TMEM68: variants seen among roughly 807,000 people sequenced by gnomAD.
TMEM68 encodes DGAT1/2-independent enzyme synthesizing storage lipids.
TMEM68 carries 25 observed loss-of-function variants against 36.9 expected under a neutral mutation model. That is an observed-to-expected ratio of 0.68 (90% CI 0.49 to 0.95). The LOEUF (loss-of-function observed/expected upper bound fraction) is 0.95. Among genes scored for constraint, TMEM68 ranks in the 40% least tolerant of loss-of-function variants. The probability of loss-of-function intolerance (pLI) is 0.00; values close to 1 mark genes in which losing one functional copy is unlikely to be tolerated. For synonymous variants in TMEM68, 131 were observed against 124.4 expected (o/e 1.05, Z -0.35); for missense variants, 333 against 392.0 (o/e 0.85, Z 1.27).
At position 55,746,317 on chromosome 8, in the gene TMEM68, C is replaced by CAAAAAAAAA. The variant is rs376241142; in HGVS notation, c.688-1205_688-1197dup. 55 of 57,196 alleles carry CAAAAAAAAA rather than the reference C, an allele frequency of 9.6e-4. 6 individuals are homozygous for CAAAAAAAAA. The highest frequency in any genetic ancestry group is 2.3e-3 in the African/African-American group (30 of 13,046). The allele number at this position is 57,196 out of a possible 1,614,324, so 3.5% of individuals were successfully genotyped here. ...GGCAATAGAGCGAGACACTGTCTCCCAAAAAAAAAAAAAAAAAAAAAAAAG... is the reference window on the plus strand; with the variant it reads ...GGCAATAGAGCGAGACACTGTCTCCCAAAAAAAAAAAAAAAAAAAAAAAAAAAAAAAAAG... On this transcript the variant is annotated intron_variant, in intron 5 of 7. Transcript: ENST00000434581.
chr8:55,743,477 T>C lies in TMEM68; in HGVS notation c.888+4A>G. 2 of 1,519,870 alleles carry C rather than the reference T, an allele frequency of 1.3e-6. 1 individual carries two copies. Among genetic ancestry groups the C allele is most frequent in the Non-Finnish European group, 1.8e-6 (2 of 1,142,754 alleles). 94.1% of individuals were successfully genotyped at this position (1,519,870 alleles called of 1,614,324 possible). A position where few individuals can be genotyped will look rare whatever the true frequency, so the allele number is the denominator to read the frequency against. On this transcript the variant is annotated splice_donor_region_variant and intron_variant, in intron 7 of 7. Coordinates refer to ENST00000434581, the MANE Select transcript of TMEM68 (RefSeq NM_001286657.2). ...CTAAAACTAAAAAAGAAAAAGCAAT[T>C]TACCTTTTCAGCTAATTCTTCCGCT... is the stretch of plus-strand genomic sequence containing the variant.
At chr8:55,747,058 G>C (rs1810301349) in intron 5 of TMEM68, 1 of 152,284 alleles carries the variant, frequency 6.6e-6, no homozygotes, top group Non-Finnish European at 1.5e-5. Flanking sequence ...GGAGAAGTTA[G>C]GTAAAGAAAA....
intron 1 of TMEM68, among the ~76,000 whole-genome samples, chr8:55,772,317 C>T (rs1811200569): frequency 6.6e-6 from 1 of 152,178 alleles, no homozygotes; most frequent in African/African-American, 2.4e-5. Flanking sequence ...ACTATTTTGG[C>T]ATTTCGTAGC....
intron 7 of TMEM68, among the ~76,000 whole-genome samples, chr8:55,740,674 T>A (rs576697955): frequency 2.0e-5 from 3 of 152,234 alleles, no homozygotes; most frequent in South Asian, 4.1e-4. Context: ...AATGGAAGAC[T>A]TAGTCCTTTC....
At chr8:55,766,101 T>C (rs904155635) in intron 1 of TMEM68, among the ~76,000 whole-genome samples, 4 of 152,084 alleles carry the variant, frequency 2.6e-5, no homozygotes, top group African/African-American at 9.7e-5. Context: ...AAGAAGAATA[T>C]GGAGTTCTAT....
intron 1 of TMEM68, among the ~76,000 whole-genome samples, chr8:55,765,152 A>G (rs1395901611): frequency 6.6e-6 from 1 of 152,208 alleles, no homozygotes; most frequent in Non-Finnish European, 1.5e-5. Flanking sequence ...GCAACCATCC[A>G]TCAGAACTAC....
chr8:55,753,353 A>T (rs979632953), intron 4 of TMEM68, among the ~76,000 whole-genome samples: 1 of 152,162 alleles, frequency 6.6e-6, no homozygotes, highest in African/African-American at 2.4e-5. Context: ...AACCCCACAA[A>T]ACTGTTTGCC....
At chr8:55,750,181 G>A (rs998401367) in intron 5 of TMEM68, among the ~76,000 whole-genome samples, 9 of 151,730 alleles carry the variant, frequency 5.9e-5, no homozygotes, top group Non-Finnish European at 1.2e-4. Context: ...CTTAATTTTT[G>A]TATAACTGCA....
rs1264171747 is a variant in TMEM68, at chr8:55,762,926, G to A, written c.34C>T (p.Gln12Ter). Residue 12 changes from glutamine to a stop codon, truncating the protein, a stop_gained, in exon 3 of 8, where the codon CAG (glutamine) becomes TAG (stop). Coordinates refer to ENST00000434581, the MANE Select transcript of TMEM68 (RefSeq NM_001286657.2). LOFTEE classifies it high-confidence loss of function. ...IDKNQTCGVG[Q>*]DSVPYMICLI... ...CAAATCATATAGGGCACAGAATCCT[G>A]TCCTACACCACAGGTTTGATTTTTG... The A allele has an allele frequency of 6.2e-7, 1 of 1,601,420 alleles. No homozygotes were observed. Among genetic ancestry groups the A allele is most frequent in the Admixed American group, 1.8e-5 (1 of 57,062 alleles).
At chr8:55,770,858 A>G (rs762804482) in intron 1 of TMEM68, among the ~76,000 whole-genome samples, 3 of 152,206 alleles carry the variant, frequency 2.0e-5, no homozygotes, top group Non-Finnish European at 2.9e-5. Flanking sequence ...TAACTTTTGT[A>G]AAAACAAGTA....
At chr8:55,751,446 A>C in intron 4 of TMEM68, 1 of 422,872 alleles carries the variant, frequency 2.4e-6, no homozygotes, top group Non-Finnish European at 4.4e-6. Context: ...TCAAAGTCAC[A>C]CATCTAAGAA....
intron 1 of TMEM68, among the ~76,000 whole-genome samples, chr8:55,764,909 C>T (rs1810916527): frequency 6.6e-6 from 1 of 152,098 alleles, no homozygotes; most frequent in Admixed American, 6.5e-5. Context: ...TCCATCTCTA[C>T]TAAAAATATA....
At chr8:55,769,985 T>C (rs572826156) in intron 1 of TMEM68, among the ~76,000 whole-genome samples, 1 of 152,300 alleles carries the variant, frequency 6.6e-6, no homozygotes, top group South Asian at 2.1e-4. Flanking sequence ...TAAAACCTGC[T>C]ACTAGAGAAC....
At chr8:55,753,615 TTG>T (rs1248357138) in intron 4 of TMEM68, among the ~76,000 whole-genome samples, 1 of 152,206 alleles carries the variant, frequency 6.6e-6, no homozygotes, top group African/African-American at 2.4e-5. Context: ...CACTGTTTGG[TTG>T]TGTTTGTCTG....
intron 5 of TMEM68, among the ~76,000 whole-genome samples, chr8:55,749,136 A>C (rs1585711898): frequency 1.3e-5 from 2 of 152,364 alleles, no homozygotes; most frequent in Non-Finnish European, 2.9e-5. Flanking sequence ...AATTACAGTA[A>C]ATGGACTAGT....
In TMEM68 at chr8:55,744,051, C is replaced by T. The variant is rs1024113814; in HGVS notation, c.749-431G>A. Among the ~76,000 whole-genome samples the T allele has an allele frequency of 5.9e-5, 9 of 151,652 alleles. No individual in the cohort carries two copies. The South Asian group carries it at 6.2e-4, about 11-fold the overall frequency. On this transcript the variant is annotated intron_variant, in intron 6 of 7. Coordinates refer to ENST00000434581, the MANE Select transcript of TMEM68 (RefSeq NM_001286657.2). The stretch of plus-strand genomic sequence containing the variant: ...CAAAGGCTAAACTGCTACCAAACTA[C>T]TAGAGGTGAAAAAGTCTATAGAGTC...
At chr8:55,762,584 C>T in intron 3 of TMEM68, 51 bp downstream of exon 3, 2 of 1,610,260 alleles carry the variant, frequency 1.2e-6, no homozygotes, top group East Asian at 4.5e-5. Context: ...AACACAGTTC[C>T]AATGCAGCAC....
chr8:55,743,298 T>G (rs1810160671), intron 7 of TMEM68, among the ~76,000 whole-genome samples, 183 bp downstream of exon 7: 1 of 152,178 alleles, frequency 6.6e-6, no homozygotes, highest in African/African-American at 2.4e-5. Flanking sequence ...CCCCAACTCC[T>G]GCCTGTAGTG....
At chr8:55,769,018 T>TTAAAAAAA (rs1554556017) in intron 1 of TMEM68, among the ~76,000 whole-genome samples, 6 of 82,090 alleles carry the variant, frequency 7.3e-5, no homozygotes, top group Non-Finnish European at 1.2e-4. Context: ...ACTCTGTCTT[T>TTAAAAAAA]AAAAAAAAAA....
Sources: gnomAD v4.1 joint callset for allele counts (sites outside exome capture counted in the v4.1 genomes callset) on GRCh38, gnomAD v4.1.1 for gene constraint, MANE v1.5 for transcripts, NCBI Gene and HGNC (gene_info 2026-07-23, HGNC 2026-07-21) for gene names.